The following E2F5 variants were observed in gnomAD, a reference collection of about 807,000 sequenced individuals.
E2F5 encodes transcription factor E2F5.
A neutral mutation model predicts 39.1 loss-of-function variants in E2F5; 23 were observed. The ratio of observed to expected loss-of-function variants is 0.59; its 90% CI spans 0.42 to 0.83. The LOEUF (loss-of-function observed/expected upper bound fraction) is 0.83. Ranked by LOEUF, E2F5 falls within the 40% of genes least tolerant of loss-of-function variation. E2F5 has a pLI of 0.00. For missense variants in E2F5, 365 were observed against 406.7 expected (o/e 0.90, Z 0.88); for synonymous variants, 145 against 157.8 (o/e 0.92, Z 0.61).
chr8:85,183,700 A>G (rs4150853), intron 1 of E2F5, among the ~76,000 whole-genome samples: 1 of 152,194 alleles, frequency 6.6e-6, no homozygotes, highest in Non-Finnish European at 1.5e-5. Context: ...GGAGTAGTCA[A>G]ATTCACAGGG....
intron 1 of E2F5, among the ~76,000 whole-genome samples, chr8:85,188,893 C>A (rs1406988777): frequency 2.0e-5 from 3 of 152,106 alleles, no homozygotes; most frequent in African/African-American, 4.8e-5. Flanking sequence ...GCCCTTCTTA[C>A]CCTCTTCAAT....
chr8:85,212,204 GGTAA>G lies in E2F5; in HGVS notation c.931+4_931+7del. 1 of 1,604,048 alleles carries G rather than the reference GGTAA, an allele frequency of 6.2e-7. No homozygotes were observed. Among genetic ancestry groups the G allele is most frequent in the Non-Finnish European group, 8.5e-7 (1 of 1,173,076 alleles). On this transcript the variant is annotated splice_donor_variant and splice_donor_region_variant and intron_variant, in intron 7 of 7. Coordinates refer to ENST00000416274, the MANE Select transcript of E2F5 (RefSeq NM_001951.4). LOFTEE classifies it high-confidence loss of function. ...CATTGATGAGTTAATGTCTTCTGAC[GGTAA>G]GTAGGTTAAAATTTTACTAACTCAC...
rs1213084491 is a variant in E2F5 at position 85,177,358 on chromosome 8, G to C, written c.-63G>C. Reference sequence around the variant, plus strand: ...CGCAGCGGAGCCGACCCGGCAGGTGGCCGCGGGCGGGGCCGGCGAGCGAAA... The same window carrying C: ...CGCAGCGGAGCCGACCCGGCAGGTGCCCGCGGGCGGGGCCGGCGAGCGAAA... On this transcript the variant is annotated 5_prime_UTR_variant, in exon 1 of 8. Transcript: ENST00000416274. 1 of 979,018 alleles carries C rather than the reference G, an allele frequency of 1.0e-6. No homozygotes were observed. Among genetic ancestry groups the C allele is most frequent in the Non-Finnish European group, 1.2e-6 (1 of 828,234 alleles). The allele number at this position is 979,018 out of a possible 1,614,324, so 60.6% of individuals were successfully genotyped here.
At chr8:85,211,386 G>T (rs1404182372) in intron 6 of E2F5, among the ~76,000 whole-genome samples, 1 of 151,968 alleles carries the variant, frequency 6.6e-6, no homozygotes, top group African/African-American at 2.4e-5. Context: ...CTGAGTGACA[G>T]AGCGAGATCC....
chr8:85,214,218 T>A lies in E2F5; in HGVS notation c.*356T>A, dbSNP rs1813035834. On this transcript the variant is annotated 3_prime_UTR_variant, in exon 8 of 8. Transcript: ENST00000416274. ...AACAAGTTGGCCAAGGACTCATTAC[T>A]TGTCTTATATTTTTACTGCCACTAA... 2 of 540,302 alleles carry A rather than the reference T, an allele frequency of 3.7e-6. No individual in the cohort carries two copies. The highest frequency in any genetic ancestry group is 4.5e-5 in the Admixed American group (2 of 44,730). 33.5% of individuals were successfully genotyped at this position (540,302 alleles called of 1,614,324 possible).
chr8:85,186,655 T>TGTATATATGGTATATATGTAAG (rs1812343265), intron 1 of E2F5, among the ~76,000 whole-genome samples: 1 of 147,734 alleles, frequency 6.8e-6, no homozygotes, highest in Non-Finnish European at 1.5e-5. Context: ...GTATATATGG[T>TGTATATATGGTATATATGTAAG]GTATATATGG....
At chr8:85,203,969 C>T (rs1316996405) in intron 3 of E2F5, among the ~76,000 whole-genome samples, 5 of 151,698 alleles carry the variant, frequency 3.3e-5, no homozygotes, top group Non-Finnish European at 7.4e-5. Flanking sequence ...TACCTGTACT[C>T]TTAAAGAAAC....
chr8:85,178,221 T>C (rs1488542007), intron 1 of E2F5: 3 of 152,064 alleles, frequency 2.0e-5, no homozygotes, highest in Non-Finnish European at 2.9e-5. Flanking sequence ...TAAAATAGTA[T>C]TAAATCTTCC....
chr8:85,213,542 T>TAAAAAAAAAAAAA (rs536955367), intron 7 of E2F5: 13 of 121,460 alleles, frequency 1.1e-4, no homozygotes, highest in African/African-American at 2.0e-4. Context: ...GACTCCATCT[T>TAAAAAAAAAAAAA]AAAAAAAAAA....
In E2F5 at chr8:85,213,830, G is replaced by T. The variant is rs1204866566; in HGVS notation, c.1009G>T (p.Asp337Tyr). The T allele has an allele frequency of 6.2e-7, 1 of 1,611,508 alleles. No individual in the cohort carries two copies. The highest frequency in any genetic ancestry group is 8.5e-7 in the Non-Finnish European group (1 of 1,177,954). Residue 337 changes from aspartate to tyrosine, a missense_variant, in exon 8 of 8, where the codon GAT (aspartate) becomes TAT (tyrosine). By Grantham distance (160) the Asp-to-Tyr change is radical. Transcript: ENST00000416274. ...FNLDDNEGVC[D>Y]LFDVQILNY ...TTTAGATGATAACGAAGGAGTTTGT[G>T]ATCTGTTTGATGTCCAGATACTAAA...
At chr8:85,182,668 T>G (rs749977791) in intron 1 of E2F5, among the ~76,000 whole-genome samples, 11 of 152,228 alleles carry the variant, frequency 7.2e-5, no homozygotes, top group African/African-American at 1.4e-4. Context: ...TTTGAACAAC[T>G]GTTAAGATAG....
chr8:85,187,196 G>T (rs1235299063), intron 1 of E2F5, among the ~76,000 whole-genome samples: 1 of 152,038 alleles, frequency 6.6e-6, no homozygotes, highest in Non-Finnish European at 1.5e-5. Flanking sequence ...CAGTCTTCTA[G>T]AATTTGTTAT....
intron 6 of E2F5, among the ~76,000 whole-genome samples, chr8:85,211,410 A>G (rs1249476354): frequency 2.0e-5 from 3 of 152,010 alleles, no homozygotes; most frequent in African/African-American, 7.2e-5. Context: ...CTCAAAATAA[A>G]TAAATAAATA....
chr8:85,184,428 TG>T, intron 1 of E2F5, among the ~76,000 whole-genome samples: 1 of 152,308 alleles, frequency 6.6e-6, no homozygotes, highest in East Asian at 1.9e-4. Flanking sequence ...GGACAAAAAC[TG>T]GAAGCATTCC....
At chr8:85,190,761 C>A (rs908152867) in intron 1 of E2F5, among the ~76,000 whole-genome samples, 7 of 152,016 alleles carry the variant, frequency 4.6e-5, no homozygotes, top group African/African-American at 1.7e-4. Context: ...GCCTCAGCCT[C>A]CTAAAATGCT....
At chr8:85,208,535 A>G (rs1208200740) in intron 5 of E2F5, among the ~76,000 whole-genome samples, 1 of 152,222 alleles carries the variant, frequency 6.6e-6, no homozygotes, top group Non-Finnish European at 1.5e-5. Context: ...AACTAATTTG[A>G]AAGCAATAAC....
intron 1 of E2F5, among the ~76,000 whole-genome samples, chr8:85,187,374 T>A (rs984790033): frequency 3.3e-5 from 5 of 152,154 alleles, no homozygotes; most frequent in Non-Finnish European, 7.4e-5. Flanking sequence ...TGTCCATTAC[T>A]GAAAGTGGGC....
chr8:85,207,514 A>C, intron 5 of E2F5, 25 bp downstream of exon 5: 1 of 1,529,496 alleles, frequency 6.5e-7, no homozygotes, highest in South Asian at 1.2e-5. Context: ...TTATGTTTAT[A>C]TAAGTGGGAA....
intron 6 of E2F5, among the ~76,000 whole-genome samples, chr8:85,210,697 G>A (rs2129759333): frequency 6.6e-6 from 1 of 151,168 alleles, no homozygotes; most frequent in Admixed American, 6.6e-5. Flanking sequence ...AAAAGAAAAT[G>A]TAGTCCTTAA....
Sources: gnomAD v4.1 joint callset for allele counts (sites outside exome capture counted in the v4.1 genomes callset) on GRCh38, gnomAD v4.1.1 for gene constraint, MANE v1.5 for transcripts, NCBI Gene and HGNC (gene_info 2026-07-23, HGNC 2026-07-21) for gene names.